HMGXB3: variants seen among roughly 807,000 people sequenced by gnomAD.
The protein encoded by HMGXB3 is HMG domain-containing protein 3.
In HMGXB3, 45 loss-of-function variants were observed where a neutral mutation model predicts 121.5. The ratio of observed to expected loss-of-function variants is 0.37; its 90% CI spans 0.29 to 0.47. The LOEUF (loss-of-function observed/expected upper bound fraction) is 0.47, where lower values mean the gene tolerates loss of function less well. HMGXB3 is among the 20% of genes least tolerant of loss of function. The probability of loss-of-function intolerance (pLI) is 0.99; values close to 1 mark genes in which losing one functional copy is unlikely to be tolerated. For synonymous variants in HMGXB3, 590 were observed against 624.1 expected, an observed-to-expected ratio of 0.95 and a Z score of 0.81; for missense variants, 1,376 against 1,602.2, an observed-to-expected ratio of 0.86 and a Z score of 2.41.
chr5:150,000,841 G>A lies in HMGXB3; in HGVS notation c.-341G>A, dbSNP rs905570679. On this transcript the variant is annotated 5_prime_UTR_variant, in exon 1 of 20. Transcript: ENST00000502717. ...TCGAGCTCCCCGGGGCTTGACCCCC[G>A]GGGCCCTCGGCAGGCATCGGTGAGG... 1 of 154,774 alleles carries A rather than the reference G, an allele frequency of 6.5e-6. No homozygotes were observed. Among genetic ancestry groups the A allele is most frequent in the African/African-American group, 2.4e-5 (1 of 41,518 alleles). The allele number at this position is 154,774 out of a possible 1,614,324, so 9.6% of individuals were successfully genotyped here.
chr5:150,013,820 G>A (rs1261110252), intron 5 of HMGXB3, among the ~76,000 whole-genome samples: 1 of 152,152 alleles, frequency 6.6e-6, no homozygotes, highest in Non-Finnish European at 1.5e-5. Context: ...TTATTACCCT[G>A]TAATAAACAA....
At chr5:150,051,588 G>T in intron 19 of HMGXB3, 137 bp from the exon 20 acceptor site, 1 of 668,628 alleles carries the variant, frequency 1.5e-6, no homozygotes, top group South Asian at 2.0e-5. Flanking sequence ...GGCGGGCAGG[G>T]GTTGGCCTAG....
rs1255616392 is a variant in HMGXB3, at chr5:150,006,542, G to T, written c.207G>T (p.Gln69His). The T allele has an allele frequency of 1.3e-6, 2 of 1,552,102 alleles. No homozygotes were observed. The highest frequency in any genetic ancestry group is 8.7e-7 in the Non-Finnish European group (1 of 1,147,056). Residue 69 changes from glutamine to histidine, a missense_variant, in exon 3 of 20, where the codon CAG (glutamine) becomes CAT (histidine). By Grantham distance (24) the Gln-to-His change is conservative. Coordinates refer to ENST00000502717, the MANE Select transcript of HMGXB3 (RefSeq NM_014983.3). ...KVQQELPHLP[Q>H]SEINKKISES... ...AGCAGGAGCTCCCCCACCTCCCTCA[G>T]TCTGAGATCAATAAGAAGATTAGTG... is the stretch of plus-strand genomic sequence containing the variant.
chr5:150,016,340 CAAAAA>C (rs34992392), intron 5 of HMGXB3, among the ~76,000 whole-genome samples: 1 of 92,624 alleles, frequency 1.1e-5, no homozygotes, highest in Non-Finnish European at 2.1e-5. Context: ...GACTCTGTCT[CAAAAA>C]AAAAAAAAAA....
chr5:150,028,505 A>ATGTG (rs1156746032), intron 9 of HMGXB3, among the ~76,000 whole-genome samples: 281 of 90,418 alleles, frequency 3.1e-3, no homozygotes, highest in African/African-American at 0.014. Context: ...ATATGTATGT[A>ATGTG]TGTGTGTGTG....
intron 5 of HMGXB3, among the ~76,000 whole-genome samples, chr5:150,017,717 A>G (rs866681176): frequency 2.6e-5 from 4 of 152,354 alleles, no homozygotes; most frequent in South Asian, 2.1e-4. Flanking sequence ...TGGCTGGGCT[A>G]GGGAAGCTGG....
At chr5:150,029,873 C>T (rs780596220) in intron 9 of HMGXB3, among the ~76,000 whole-genome samples, 3 of 152,170 alleles carry the variant, frequency 2.0e-5, no homozygotes, top group Non-Finnish European at 4.4e-5. Context: ...TGTGATCTTG[C>T]GGTGTAGAAG....
Position 150,051,870 on chromosome 5 carries a change from C to T in HMGXB3, c.3557C>T (p.Ala1186Val). 6.4e-7 allele frequency: 1 copy of T among 1,551,352 alleles called. No individual in the cohort carries two copies. Among genetic ancestry groups the T allele is most frequent in the Non-Finnish European group, 8.7e-7 (1 of 1,147,102 alleles). ...CAGCCCAATCCTGGTGACCCCAGTG[C>T]TGGGCACCACTCCTTGGCCCTGTGC... ...GLQPNPGDPS[A>V]GHHSLALCPE... Residue 1186 changes from alanine to valine, a missense_variant, in exon 20 of 20, where the codon GCT becomes GTT. Ala to Val is a moderately conservative substitution (Grantham distance 64). Around this residue, in one of 2 missense-constraint regions of HMGXB3, gnomAD observed 260 missense variants for 233.2 expected, o/e 1.11. Transcript: ENST00000502717.
At chr5:150,037,575 G>A in intron 13 of HMGXB3, 48 bp downstream of exon 13, 1 of 1,448,170 alleles carries the variant, frequency 6.9e-7, no homozygotes, top group South Asian at 1.5e-5. Flanking sequence ...AGCAGGCTTG[G>A]GAACTGCCTC....
At chr5:150,018,858 AG>A (rs1756017852) in intron 6 of HMGXB3, among the ~76,000 whole-genome samples, 161 bp downstream of exon 6, 1 of 152,276 alleles carries the variant, frequency 6.6e-6, no homozygotes. Context: ...AAAATACAAA[AG>A]AAAAATGGAA....
In HMGXB3 at chr5:150,046,963, G is replaced by A. The variant is rs570882977; in HGVS notation, c.2951-661G>A. On this transcript the variant is annotated intron_variant, in intron 16 of 19. Coordinates refer to ENST00000502717, the MANE Select transcript of HMGXB3 (RefSeq NM_014983.3). ...TGCAGTGTTGTGATCTGGGCTCACT[G>A]CAACTCTGCCTTCCGGGTTCAAGCA... Among the ~76,000 whole-genome samples the A allele has an allele frequency of 3.3e-5, 5 of 149,618 alleles. No individual in the cohort carries two copies. In the South Asian group the frequency reaches 1.1e-3, roughly 32 times the overall value.
At chr5:150,017,262 T>G (rs1214818950) in intron 5 of HMGXB3, among the ~76,000 whole-genome samples, 1 of 152,214 alleles carries the variant, frequency 6.6e-6, no homozygotes, top group African/African-American at 2.4e-5. Flanking sequence ...TAACCTATCT[T>G]AAATTTTTAC....
At chr5:150,032,633 G>C (rs1756407374) in intron 11 of HMGXB3, 30 bp downstream of exon 11, 1 of 1,551,396 alleles carries the variant, frequency 6.4e-7, no homozygotes, top group South Asian at 1.2e-5. Flanking sequence ...CACATCCCCT[G>C]GCCTGTTCTG....
intron 5 of HMGXB3, among the ~76,000 whole-genome samples, chr5:150,016,132 C>T (rs1338072044): frequency 6.6e-6 from 1 of 152,088 alleles, no homozygotes; most frequent in Admixed American, 6.5e-5. Flanking sequence ...ATTGCTTGAG[C>T]CCAGGAGTTC....
Position 150,051,882 on chromosome 5 carries a change from C to T in HMGXB3, c.3569C>T (p.Ser1190Phe). Residue 1190 changes from serine (S) to phenylalanine (F), a missense_variant, in exon 20 of 20, where the codon TCC becomes TTC. Around this residue, in one of 2 missense-constraint regions of HMGXB3, gnomAD observed 260 missense variants for 233.2 expected, o/e 1.11. Transcript: ENST00000502717. Reference protein sequence around the residue: ...NPGDPSAGHHSLALCPELAPY... With the variant: ...NPGDPSAGHHFLALCPELAPY... ...GGTGACCCCAGTGCTGGGCACCACT[C>T]CTTGGCCCTGTGCCCTGAATTGGCA... 2 of 1,551,658 alleles carry T rather than the reference C, an allele frequency of 1.3e-6. No homozygotes were observed. The highest frequency in any genetic ancestry group is 1.7e-6 in the Non-Finnish European group (2 of 1,147,100).
chr5:150,040,121 G>T (rs1374355707), intron 13 of HMGXB3, among the ~76,000 whole-genome samples: 3 of 152,114 alleles, frequency 2.0e-5, no homozygotes, highest in Non-Finnish European at 4.4e-5. Flanking sequence ...ACTGAGCTGG[G>T]TGGGAAGAAA....
In HMGXB3 at chr5:150,051,813, C is replaced by T. The variant is rs1440876924; in HGVS notation, c.3500C>T (p.Thr1167Ile). ...TCTATCCAGCACCCAGTCACCAAGA[C>T]TGCCACGCGGCGCATCGTCCATGCA... Reference protein sequence around the residue: ...EHSIQHPVTKTATRRIVHAGL... With the variant: ...EHSIQHPVTKIATRRIVHAGL... The change falls in exon 20 of 20, where the codon ACT becomes ATT. Residue 1167 changes from threonine to isoleucine, a missense_variant. By Grantham distance (89) the Thr-to-Ile change is moderately conservative (BLOSUM62 -1). Around this residue, in one of 2 missense-constraint regions of HMGXB3, gnomAD observed 260 missense variants for 233.2 expected, o/e 1.11. Transcript: ENST00000502717. 4 of 1,548,634 alleles carry T rather than the reference C, an allele frequency of 2.6e-6. No individual in the cohort carries two copies. The highest frequency in any genetic ancestry group is 4.9e-5 in the East Asian group (2 of 40,938).
chr5:150,050,415 G>T lies in HMGXB3; in HGVS notation c.3365G>T (p.Trp1122Leu). ...LCYPELTNQMWGRNQGCFSSP... is the reference protein window; with the variant it reads ...LCYPELTNQMLGRNQGCFSSP... The stretch of plus-strand genomic sequence containing the variant: ...TACCCAGAGCTGACTAACCAGATGT[G>T]GGGGAGGAACCAGGGCTGTTTCTCT... The change falls in exon 19 of 20, where the codon TGG becomes TTG. Residue 1122 changes from tryptophan (W) to leucine (L), a missense_variant. This residue lies in a region of HMGXB3 where 260 missense variants were observed against 233.2 expected (regional missense o/e 1.11). Coordinates refer to ENST00000502717, the MANE Select transcript of HMGXB3 (RefSeq NM_014983.3). 6.4e-7 allele frequency: 1 copy of T among 1,551,704 alleles called. No homozygotes were observed. The highest frequency in any genetic ancestry group is 8.7e-7 in the Non-Finnish European group (1 of 1,146,986).
chr5:150,047,215 G>A (rs1756777210), intron 16 of HMGXB3, among the ~76,000 whole-genome samples: 1 of 151,968 alleles, frequency 6.6e-6, no homozygotes. Context: ...TTTTTTTAAG[G>A]TGCCCCCACA....
Sources: allele counts gnomAD v4.1 joint callset (sites outside exome capture counted in the v4.1 genomes callset), GRCh38; gene constraint gnomAD v4.1.1; regional missense constraint gnomAD v4.1.1; transcripts MANE v1.5; gene names NCBI Gene and HGNC (gene_info 2026-07-23, HGNC 2026-07-21).